Variants in ABL2 observed in about 807,000 individuals in gnomAD.
ABL2 encodes the protein tyrosine-protein kinase ABL2.
A neutral mutation model predicts 107.7 loss-of-function variants in ABL2; 49 were observed. The ratio of observed to expected loss-of-function variants is 0.45; its 90% CI spans 0.36 to 0.58. ABL2 has a LOEUF of 0.58. Ranked by LOEUF, ABL2 falls within the 20% of genes least tolerant of loss-of-function variation. The pLI, the probability that ABL2 is intolerant of heterozygous loss-of-function variation, is 0.00. For synonymous variants in ABL2, 549 were observed against 548.6 expected (o/e 1.00, Z -0.01); for missense variants, 1,245 against 1,457.0 (o/e 0.85, Z 2.37).
intron 1 of ABL2, among the ~76,000 whole-genome samples, chr1:179,201,159 C>T (rs897921176): frequency 6.6e-6 from 1 of 152,162 alleles, no homozygotes; most frequent in African/African-American, 2.4e-5. Context: ...AAGCAGACCT[C>T]GCTAAGCATA....
chr1:179,217,096 G>A (rs540964698), intron 1 of ABL2, among the ~76,000 whole-genome samples: 3 of 149,734 alleles, frequency 2.0e-5, no homozygotes, highest in African/African-American at 7.3e-5. Context: ...AGGAGTTCAA[G>A]ACCAGCCTGG....
intron 1 of ABL2, among the ~76,000 whole-genome samples, chr1:179,190,552 T>A (rs1290737217): frequency 6.6e-6 from 1 of 152,064 alleles, no homozygotes; most frequent in Non-Finnish European, 1.5e-5. Flanking sequence ...GTTGATGACG[T>A]TGATGACGTT....
intron 1 of ABL2, among the ~76,000 whole-genome samples, chr1:179,216,785 G>A (rs1662587634): frequency 6.6e-6 from 1 of 151,826 alleles, no homozygotes; most frequent in African/African-American, 2.4e-5. Flanking sequence ...CCGGGTTCAA[G>A]CAATTCTTCT....
chr1:179,138,889 C>T (rs2102696589), intron 1 of ABL2, among the ~76,000 whole-genome samples: 1 of 152,360 alleles, frequency 6.6e-6, no homozygotes, highest in East Asian at 1.9e-4. Flanking sequence ...TGCGGGCCAG[C>T]TGGAGTTCCG....
At chr1:179,156,934 ACT>A (rs1347468561) in intron 1 of ABL2, among the ~76,000 whole-genome samples, 1 of 147,812 alleles carries the variant, frequency 6.8e-6, no homozygotes, top group African/African-American at 2.5e-5. Flanking sequence ...AATAAATAAA[ACT>A]CTATTAAATT....
rs115548475 is a variant in ABL2, at chr1:179,132,295, C to T, written c.221-814G>A. Among the ~76,000 whole-genome samples, 344 of 152,166 alleles carry T rather than the reference C, an allele frequency of 2.3e-3. 4 individuals carry two copies. Among genetic ancestry groups the T allele is most frequent in the African/African-American group, 7.7e-3 (318 of 41,538 alleles). The stretch of plus-strand genomic sequence containing the variant: ...TTTACGACCTGTTTTTTCCTTAAGC[C>T]TTTACAGTTTCTAAATTTATTCATA... On this transcript the variant is annotated intron_variant, in intron 2 of 11. Coordinates refer to ENST00000502732, the MANE Select transcript of ABL2 (RefSeq NM_007314.4).
rs529196755 is a variant in ABL2, at chr1:179,121,035, G to A, written c.960+560C>T. ...AACTGACTACTACTTAATAGCTAAA[G>A]AATAGCCCTTATAAGTGATACACCA... is the stretch of plus-strand genomic sequence containing the variant. On this transcript the variant is annotated intron_variant, in intron 5 of 11. Coordinates refer to ENST00000502732, the MANE Select transcript of ABL2 (RefSeq NM_007314.4). 3.9e-5 allele frequency among the ~76,000 whole-genome samples: 6 copies of A among 152,192 alleles called. 1 individual carries two copies. In the South Asian group the frequency reaches 1.2e-3, roughly 32 times the overall value.
At chr1:179,121,564 T>C (rs1655197888) in intron 5 of ABL2, 31 bp downstream of exon 5, 1 of 1,596,172 alleles carries the variant, frequency 6.3e-7, no homozygotes, top group Non-Finnish European at 8.6e-7. Flanking sequence ...AAGAAAAAGA[T>C]GCCTGAAAAC....
At chr1:179,151,616 T>C (rs904322444) in intron 1 of ABL2, among the ~76,000 whole-genome samples, 1 of 152,200 alleles carries the variant, frequency 6.6e-6, no homozygotes, top group Non-Finnish European at 1.5e-5. Flanking sequence ...TGAGACTTCT[T>C]GCCACAAAAA....
intron 1 of ABL2, among the ~76,000 whole-genome samples, chr1:179,226,748 G>A (rs887246353): frequency 1.3e-5 from 2 of 152,056 alleles, no homozygotes; most frequent in African/African-American, 4.8e-5. Context: ...AAGAGTCCAA[G>A]ACACAAAAAG....
intron 4 of ABL2, 87 bp from the exon 5 acceptor site, chr1:179,121,954 C>A: frequency 8.3e-7 from 1 of 1,211,906 alleles, no homozygotes; most frequent in South Asian, 1.7e-5. Flanking sequence ...GAGATGGAGT[C>A]TTGTTCTGTC....
rs376353768 is a variant in ABL2 at position 179,117,434 on chromosome 1, C to T, written c.1306G>A (p.Gly436Arg). The T allele has an allele frequency of 6.2e-7, 1 of 1,614,038 alleles. No homozygotes were observed. Among genetic ancestry groups the T allele is most frequent in the Non-Finnish European group, 8.5e-7 (1 of 1,180,030 alleles). Residue 436 changes from glycine (G) to arginine (R), a missense_variant, in exon 8 of 12, where the codon GGA (glycine) becomes AGA (arginine). This residue lies in a region of ABL2 where 320 missense variants were observed against 547.0 expected (regional missense o/e 0.59). Coordinates refer to ENST00000502732, the MANE Select transcript of ABL2 (RefSeq NM_007314.4). ...CCAGCATGAGCAGTATAAGTGTCTC[C>T]AGTCATCAATCTACTTAAGCCAAAG... ...ADFGLSRLMT[G>R]DTYTAHAGAK...
intron 1 of ABL2, chr1:179,142,848 A>T: frequency 9.5e-6 from 14 of 1,480,564 alleles, no homozygotes; most frequent in Non-Finnish European, 1.3e-5. Flanking sequence ...ACAGTAGCAG[A>T]TAAGATGAAT....
chr1:179,113,800 G>A (rs921334798), intron 9 of ABL2, among the ~76,000 whole-genome samples: 2 of 150,698 alleles, frequency 1.3e-5, no homozygotes, highest in African/African-American at 2.4e-5. Flanking sequence ...GCGTGGTGGC[G>A]GCCGGCGCCT....
At chr1:179,215,977 A>G (rs1434757234) in intron 1 of ABL2, among the ~76,000 whole-genome samples, 3 of 152,210 alleles carry the variant, frequency 2.0e-5, no homozygotes, top group Admixed American at 2.0e-4. Flanking sequence ...TGTACATATT[A>G]TGTATTATAC....
chr1:179,124,485 T>TTTTTC (rs1655549450), intron 4 of ABL2, among the ~76,000 whole-genome samples: 1 of 146,508 alleles, frequency 6.8e-6, no homozygotes, highest in South Asian at 2.2e-4. Context: ...TTTTTTTTTT[T>TTTTTC]TGAGACAGAG....
chr1:179,215,603 T>C (rs925201707), intron 1 of ABL2, among the ~76,000 whole-genome samples: 2 of 151,754 alleles, frequency 1.3e-5, no homozygotes, highest in Non-Finnish European at 2.9e-5. Flanking sequence ...GGCACATGCC[T>C]GTAATCCCAG....
Position 179,107,965 on chromosome 1 carries a change from G to GT in ABL2, c.3301dup (p.Thr1101AsnfsTer18), listed in dbSNP as rs1319301948. On this transcript the variant is annotated frameshift_variant, in exon 12 of 12. Coordinates refer to ENST00000502732, the MANE Select transcript of ABL2 (RefSeq NM_007314.4). LOFTEE classifies it high-confidence loss of function. ...CAGCTGGCTGTTGGGCACAGGTTCC[G>GT]TGAGTGCACTGGACAGTAGGTCAGC... 2 of 1,614,112 alleles carry GT rather than the reference G, an allele frequency of 1.2e-6. No individual in the cohort carries two copies. Among genetic ancestry groups the GT allele is most frequent in the African/African-American group, 1.3e-5 (1 of 74,940 alleles).
rs150338169 is a variant in ABL2, at chr1:179,148,849, G to T, written c.158-15475C>A. Among the ~76,000 whole-genome samples, 83 of 147,700 alleles carry T rather than the reference G, an allele frequency of 5.6e-4. No homozygotes were observed. The East Asian group carries it at 0.016, about 28-fold the overall frequency. On this transcript the variant is annotated intron_variant, in intron 1 of 11. Coordinates refer to ENST00000502732, the MANE Select transcript of ABL2 (RefSeq NM_007314.4). ...TGGGAGGCAGAGGTTGCAGTACGCC[G>T]AGATCATGCCACTGCACTCCAGCCT...
Sources: gnomAD v4.1 joint callset for allele counts (sites outside exome capture counted in the v4.1 genomes callset) on GRCh38, gnomAD v4.1.1 for gene constraint, gnomAD v4.1.1 regional missense constraint, MANE v1.5 for transcripts, NCBI Gene and HGNC (gene_info 2026-07-23, HGNC 2026-07-21) for gene names.